Variants in CCDC13 observed in about 807,000 individuals in gnomAD.
The protein encoded by CCDC13 is coiled-coil domain-containing protein 13.
Under a neutral mutation model 87.3 loss-of-function variants are expected in CCDC13, and 70 were observed. The observed-to-expected ratio is 0.80, with a 90% CI of 0.66 to 0.98. CCDC13 has a LOEUF of 0.98. Among genes scored for constraint, CCDC13 ranks in the 50% least tolerant of loss-of-function variants. The probability of loss-of-function intolerance (pLI) is 0.00; values close to 1 mark genes in which losing one functional copy is unlikely to be tolerated. For synonymous variants in CCDC13, 317 were observed against 360.3 expected, an observed-to-expected ratio of 0.88 and a Z score of 1.36; for missense variants, 842 against 892.0, an observed-to-expected ratio of 0.94 and a Z score of 0.71.
At position 42,725,646 on chromosome 3, in the gene CCDC13, C is replaced by T. The variant is rs1419019716; in HGVS notation, c.1718+4821G>A. On this transcript the variant is annotated intron_variant, in intron 13 of 15. Coordinates refer to ENST00000310232, the MANE Select transcript of CCDC13 (RefSeq NM_144719.4). ...GAAATGGGGAGGAGGGGAGGAAGCACCAATCATGTGAAACTGAAACACAAG... is the reference window on the plus strand; with the variant it reads ...GAAATGGGGAGGAGGGGAGGAAGCATCAATCATGTGAAACTGAAACACAAG... Among the ~76,000 whole-genome samples, 2 of 151,888 alleles carry T rather than the reference C, an allele frequency of 1.3e-5. 1 individual carries two copies. The highest frequency in any genetic ancestry group is 2.9e-5 in the Non-Finnish European group (2 of 67,990).
rs549577882 is a variant in CCDC13 at position 42,718,511 on chromosome 3, G to T, written c.1719-5195C>A. On this transcript the variant is annotated intron_variant, in intron 13 of 15. Coordinates refer to ENST00000310232, the MANE Select transcript of CCDC13 (RefSeq NM_144719.4). Reference sequence around the variant, plus strand: ...AATAAACTTGCTTTTGCTTTGTGCTGTGGACTCGCCCTGAATTCTTTCTTG... The same window carrying T: ...AATAAACTTGCTTTTGCTTTGTGCTTTGGACTCGCCCTGAATTCTTTCTTG... 9.2e-5 allele frequency among the ~76,000 whole-genome samples: 14 copies of T among 152,226 alleles called. No homozygotes were observed. In the South Asian group the frequency reaches 2.9e-3, roughly 32 times the overall value.
At chr3:42,724,773 C>T (rs1698649493) in intron 13 of CCDC13, among the ~76,000 whole-genome samples, 2 of 151,888 alleles carry the variant, frequency 1.3e-5, no homozygotes, top group Non-Finnish European at 2.9e-5. Flanking sequence ...CAAATGATGA[C>T]TGTTTTAATA....
chr3:42,755,380 G>T (rs1699683198), intron 3 of CCDC13, among the ~76,000 whole-genome samples: 1 of 152,054 alleles, frequency 6.6e-6, no homozygotes, highest in Admixed American at 6.5e-5. Context: ...AGTCCGAGGC[G>T]GGCAGATCAC....
At position 42,739,211 on chromosome 3, in the gene CCDC13, G is replaced by A. The variant is rs564610244; in HGVS notation, c.1164+423C>T. Among the ~76,000 whole-genome samples, 192 of 152,256 alleles carry A rather than the reference G, an allele frequency of 1.3e-3. 1 individual carries two copies. Among genetic ancestry groups the A allele is most frequent in the Non-Finnish European group, 1.4e-3 (96 of 68,006 alleles). On this transcript the variant is annotated intron_variant, in intron 9 of 15. Coordinates refer to ENST00000310232, the MANE Select transcript of CCDC13 (RefSeq NM_144719.4). Reference sequence around the variant, plus strand: ...AGTGGGATTAAAATATATGATCCTAGAAGTTATCTTAGGGACTAAGCATTA... The same window carrying A: ...AGTGGGATTAAAATATATGATCCTAAAAGTTATCTTAGGGACTAAGCATTA...
At chr3:42,743,640 CATAAATATATAAAT>C (rs992308587) in intron 7 of CCDC13, among the ~76,000 whole-genome samples, 3 of 139,848 alleles carry the variant, frequency 2.1e-5, no homozygotes, top group Non-Finnish European at 4.6e-5. Context: ...CACACACACA[CATAAATATATAAAT>C]ATAAATATAT....
Position 42,707,992 on chromosome 3 carries a change from C to A in CCDC13, c.*988G>T, listed in dbSNP as rs1698215046. Among the ~76,000 whole-genome samples the A allele has an allele frequency of 6.6e-6, 1 of 152,150 alleles. No homozygotes were observed. Among genetic ancestry groups the A allele is most frequent in the African/African-American group, 2.4e-5 (1 of 41,440 alleles). On this transcript the variant is annotated 3_prime_UTR_variant, in exon 16 of 16. Coordinates refer to ENST00000310232, the MANE Select transcript of CCDC13 (RefSeq NM_144719.4). ...GATCTTAGGGTGCCCCTGCAGCATC[C>A]CTCCAAGTTCACCATGGCGAGGGAG...
At chr3:42,728,434 TAAAG>T (rs1393257633) in intron 13 of CCDC13, among the ~76,000 whole-genome samples, 3 of 141,868 alleles carry the variant, frequency 2.1e-5, no homozygotes, top group Non-Finnish European at 4.6e-5. Flanking sequence ...ACTCTGCAGA[TAAAG>T]AAAGGAGTAG....
At chr3:42,709,634 C>T (rs964610317) in intron 15 of CCDC13, 50 bp downstream of exon 15, 3 of 1,444,852 alleles carry the variant, frequency 2.1e-6, no homozygotes, top group East Asian at 4.5e-5. Context: ...CATGGAGGCA[C>T]CTCTGCTCAG....
At chr3:42,766,691 T>C (rs1699940420) in intron 1 of CCDC13, among the ~76,000 whole-genome samples, 1 of 151,884 alleles carries the variant, frequency 6.6e-6, no homozygotes, top group Non-Finnish European at 1.5e-5. Context: ...AATGATGTAT[T>C]TGAAAAATTA....
chr3:42,723,316 C>CA (rs1486972202), intron 13 of CCDC13, among the ~76,000 whole-genome samples: 1 of 152,166 alleles, frequency 6.6e-6, no homozygotes, highest in Non-Finnish European at 1.5e-5. Context: ...TAAAAGGACT[C>CA]ATATGATTAG....
chr3:42,752,454 T>G, intron 4 of CCDC13, 121 bp downstream of exon 4: 104 of 1,277,238 alleles, frequency 8.1e-5, no homozygotes, highest in Middle Eastern at 2.8e-4. Context: ...CTGCGTGACT[T>G]GAGAAAGCCT....
In CCDC13 at chr3:42,745,943, T is replaced by C. The variant is rs745721983; in HGVS notation, c.805A>G (p.Ile269Val). ...CTCACCTTGCTCTGCAAAACAAGAA[T>C]TTGTTGAGCCCGACCCCTCCAGGTC... ...PGTWRGRAQQILVLQSKVQEL... is the reference protein window; with the variant it reads ...PGTWRGRAQQVLVLQSKVQEL... Residue 269 changes from isoleucine to valine, a missense_variant, in exon 7 of 16, where the codon ATT becomes GTT. Transcript: ENST00000310232. 12 of 1,613,944 alleles carry C rather than the reference T, an allele frequency of 7.4e-6. No homozygotes were observed. The highest frequency in any genetic ancestry group is 1.0e-5 in the Non-Finnish European group (12 of 1,179,890).
At chr3:42,721,551 T>C (rs1698559946) in intron 13 of CCDC13, among the ~76,000 whole-genome samples, 1 of 152,234 alleles carries the variant, frequency 6.6e-6, no homozygotes, top group South Asian at 2.1e-4. Context: ...TTTCAGCTAT[T>C]TACAGCTTTT....
intron 1 of CCDC13, among the ~76,000 whole-genome samples, chr3:42,762,726 T>C (rs1699859937): frequency 6.6e-6 from 1 of 152,204 alleles, no homozygotes; most frequent in South Asian, 2.1e-4. Context: ...CCCGTATTCT[T>C]TCATTGTAAT....
intron 7 of CCDC13, 79 bp downstream of exon 7, chr3:42,745,844 C>CT: frequency 8.6e-7 from 1 of 1,167,212 alleles, no homozygotes; most frequent in Non-Finnish European, 1.3e-6. Context: ...GCTTAGGTCT[C>CT]TAAGGGGGTC....
In CCDC13 at chr3:42,723,079, G is replaced by A. The variant is rs574450680; in HGVS notation, c.1718+7388C>T. Among the ~76,000 whole-genome samples, 9 of 152,254 alleles carry A rather than the reference G, an allele frequency of 5.9e-5. 1 individual carries two copies. In the South Asian group the frequency reaches 1.2e-3, roughly 21 times the overall value. On this transcript the variant is annotated intron_variant, in intron 13 of 15. Transcript: ENST00000310232. ...CCCAAAGTGCTGGGATTACAGGCGTGAGCCACCGCACCTGGCCTATTCCTT... is the reference window on the plus strand; with the variant it reads ...CCCAAAGTGCTGGGATTACAGGCGTAAGCCACCGCACCTGGCCTATTCCTT...
intron 14 of CCDC13, among the ~76,000 whole-genome samples, chr3:42,712,542 G>C (rs1310807188): frequency 6.6e-6 from 1 of 152,184 alleles, no homozygotes; most frequent in Non-Finnish European, 1.5e-5. Context: ...CTGGCTGATG[G>C]GATGAGAGCA....
chr3:42,730,427 T>G (rs777193561), intron 13 of CCDC13, 40 bp downstream of exon 13: 1 of 1,598,834 alleles, frequency 6.3e-7, no homozygotes, highest in Non-Finnish European at 8.6e-7. Context: ...CCCCACCACA[T>G]GCAGGCCTAT....
intron 13 of CCDC13, among the ~76,000 whole-genome samples, chr3:42,722,776 TCTTTTATTCCTTTA>T (rs1698594488): frequency 6.6e-6 from 1 of 151,824 alleles, no homozygotes; most frequent in Non-Finnish European, 1.5e-5. Flanking sequence ...GAGTAGCCAT[TCTTTTATTCCTTTA>T]CTTTTTTTTT....
Sources: allele counts gnomAD v4.1 joint callset (sites outside exome capture counted in the v4.1 genomes callset), GRCh38; gene constraint gnomAD v4.1.1; transcripts MANE v1.5; gene names NCBI Gene and HGNC (gene_info 2026-07-23, HGNC 2026-07-21).